The following MSI2 variants were observed in gnomAD, a reference collection of about 807,000 sequenced individuals.
The protein encoded by MSI2 is RNA-binding protein Musashi homolog 2.
MSI2 carries 17 observed loss-of-function variants against 45.6 expected under a neutral mutation model. The ratio of observed to expected loss-of-function variants is 0.37; its 90% CI spans 0.26 to 0.56. The LOEUF (loss-of-function observed/expected upper bound fraction) is 0.56. Ranked by LOEUF, MSI2 falls within the 20% of genes least tolerant of loss-of-function variation. The pLI is 0.77. For synonymous variants in MSI2, 156 were observed against 158.2 expected (o/e 0.99, Z 0.11); for missense variants, 293 against 444.2 (o/e 0.66, Z 3.06).
At chr17:57,697,354 T>C in the MSI2 span, among the ~76,000 whole-genome samples, 2 of 151,778 alleles carry the variant, frequency 1.3e-5, no homozygotes, top group Admixed American at 6.6e-5. Context: ...CTCACACCCA[T>C]GGCCACTCCC....
chr17:57,297,814 A>C (rs1290798215), intron 5 of MSI2, among the ~76,000 whole-genome samples: 1 of 152,186 alleles, frequency 6.6e-6, no homozygotes, highest in Non-Finnish European at 1.5e-5. Flanking sequence ...CCAGGAGTAG[A>C]TTCCGTCTGA....
At chr17:57,540,547 G>A (rs1479481376) in intron 7 of MSI2, among the ~76,000 whole-genome samples, 1 of 152,206 alleles carries the variant, frequency 6.6e-6, no homozygotes, top group African/African-American at 2.4e-5. Flanking sequence ...GTCTTTGGAG[G>A]TGTAATCGGG....
rs1173818243 is a variant in MSI2 at position 57,666,972 on chromosome 17, T to C, written c.791-8000T>C. Among the ~76,000 whole-genome samples the C allele has an allele frequency of 2.0e-5, 3 of 152,338 alleles. No individual in the cohort carries two copies. The East Asian group carries it at 5.8e-4, about 29-fold the overall frequency. ...GGAGCCACCAAACTGTAAGAGACAG[T>C]AGGGAGTTGTCTCCGGGCAGCAAGC... On this transcript the variant is annotated intron_variant, in intron 11 of 13. Coordinates refer to ENST00000284073, the MANE Select transcript of MSI2 (RefSeq NM_138962.4).
At chr17:57,421,063 T>C (rs1033942881) in intron 6 of MSI2, among the ~76,000 whole-genome samples, 1 of 152,194 alleles carries the variant, frequency 6.6e-6, no homozygotes. Flanking sequence ...GTTCCATTTT[T>C]ATACCCCACC....
chr17:57,637,072 C>T (rs942292238), intron 10 of MSI2, among the ~76,000 whole-genome samples: 5 of 152,310 alleles, frequency 3.3e-5, no homozygotes, highest in East Asian at 1.9e-4. Context: ...CCTTGAGCCT[C>T]GTCTCTGGGG....
rs1430892753 is a variant in MSI2, at chr17:57,680,957, C to T, written c.*1440C>T. The T allele has an allele frequency of 5.1e-6, 1 of 194,456 alleles. No individual in the cohort carries two copies. The highest frequency in any genetic ancestry group is 2.3e-5 in the African/African-American group (1 of 43,150). The allele number at this position is 194,456 out of a possible 1,614,324, so 12.0% of individuals were successfully genotyped here. A position where few individuals can be genotyped will look rare whatever the true frequency, so the allele number is the denominator to read the frequency against. On this transcript the variant is annotated 3_prime_UTR_variant, in exon 14 of 14. Coordinates refer to ENST00000284073, the MANE Select transcript of MSI2 (RefSeq NM_138962.4). ...AGCCTGCATTAATACAACCTTTCTCCATTCACTTTCTATTTACAAATTAGG... is the reference window on the plus strand; with the variant it reads ...AGCCTGCATTAATACAACCTTTCTCTATTCACTTTCTATTTACAAATTAGG...
At chr17:57,563,111 A>AC (rs925423884) in intron 7 of MSI2, among the ~76,000 whole-genome samples, 3 of 151,188 alleles carry the variant, frequency 2.0e-5, no homozygotes, top group Admixed American at 6.6e-5. Context: ...AAAAAAAAAA[A>AC]AAAAAAAAAA....
intron 1 of MSI2, 129 bp from the exon 2 acceptor site, chr17:57,256,969 C>A: frequency 6.8e-7 from 1 of 1,465,882 alleles, no homozygotes; most frequent in Non-Finnish European, 9.3e-7. Context: ...CCGTCACCTT[C>A]TCCCCCACCC....
intron 6 of MSI2, among the ~76,000 whole-genome samples, chr17:57,442,622 C>A (rs1384129264): frequency 1.3e-5 from 2 of 152,190 alleles, no homozygotes; most frequent in East Asian, 1.9e-4. Context: ...AAAAAACCCA[C>A]AACCCCAGGT....
chr17:57,277,255 G>A (rs1441135656), intron 5 of MSI2, among the ~76,000 whole-genome samples: 3 of 152,040 alleles, frequency 2.0e-5, no homozygotes, highest in East Asian at 1.9e-4. Flanking sequence ...GCGGAGTTAC[G>A]CCACGTTGGC....
In MSI2 at chr17:57,510,589, G is replaced by A. The variant is rs755497556; in HGVS notation, c.406-19087G>A. On this transcript the variant is annotated intron_variant, in intron 6 of 13. Transcript: ENST00000284073. ...ATTACAGGTGTGTGCCACCACGCCC[G>A]GCTAATTTCTGTATTATTAGTAGAG... Among the ~76,000 whole-genome samples, 4 of 151,812 alleles carry A rather than the reference G, an allele frequency of 2.6e-5. 1 individual carries two copies. The highest frequency in any genetic ancestry group is 1.3e-4 in the Admixed American group (2 of 15,258).
intron 6 of MSI2, among the ~76,000 whole-genome samples, chr17:57,436,684 G>T (rs2084697072): frequency 6.6e-6 from 1 of 152,222 alleles, no homozygotes; most frequent in South Asian, 2.1e-4. Flanking sequence ...GACTTGGGTG[G>T]AAGTGAAAGA....
intron 13 of MSI2, among the ~76,000 whole-genome samples, chr17:57,678,898 G>A (rs766868106): frequency 1.3e-4 from 20 of 152,190 alleles, no homozygotes; most frequent in Non-Finnish European, 2.8e-4. Flanking sequence ...GACATTCAGC[G>A]CCATCCACAA....
intron 8 of MSI2, among the ~76,000 whole-genome samples, chr17:57,600,552 C>A (rs766886643): frequency 6.6e-6 from 1 of 152,190 alleles, no homozygotes; most frequent in South Asian, 2.1e-4. Flanking sequence ...CTAATTGGGT[C>A]GGGGAGTCTC....
At chr17:57,638,606 T>C (rs930575513) in intron 10 of MSI2, among the ~76,000 whole-genome samples, 6 of 151,958 alleles carry the variant, frequency 3.9e-5, no homozygotes, top group African/African-American at 9.7e-5. Context: ...AAAACATAAA[T>C]TGGCAAGGCA....
intron 7 of MSI2, among the ~76,000 whole-genome samples, chr17:57,572,194 C>T (rs1394850559): frequency 2.0e-5 from 3 of 152,172 alleles, no homozygotes; most frequent in East Asian, 3.9e-4. Flanking sequence ...GGAGGAATGT[C>T]GCAGGTTTGA....
At chr17:57,340,229 G>A (rs1915013850) in intron 5 of MSI2, among the ~76,000 whole-genome samples, 1 of 152,190 alleles carries the variant, frequency 6.6e-6, no homozygotes, top group Non-Finnish European at 1.5e-5. Context: ...AGTAAGTGAT[G>A]GGCCATTGTG....
chr17:57,638,114 C>T (rs1909976350), intron 10 of MSI2, among the ~76,000 whole-genome samples: 1 of 152,222 alleles, frequency 6.6e-6, no homozygotes. Context: ...AGAGCAGTGC[C>T]AGGCCTGAGG....
At chr17:57,491,328 A>G (rs9901451) in intron 6 of MSI2, among the ~76,000 whole-genome samples, 5,535 of 152,276 alleles carry the variant, frequency 0.036, 275 homozygotes, top group South Asian at 0.15. Context: ...CTGAGATTCT[A>G]GGGTGTTAAC....
Sources: gnomAD v4.1 joint callset for allele counts (sites outside exome capture counted in the v4.1 genomes callset) on GRCh38, gnomAD v4.1.1 for gene constraint, MANE v1.5 for transcripts, NCBI Gene and HGNC (gene_info 2026-07-23, HGNC 2026-07-21) for gene names.